Variants in IPO11 observed in about 807,000 individuals in gnomAD.
IPO11 encodes importin 11, also known as importin-11.
IPO11 carries 66 observed loss-of-function variants against 143.2 expected under a neutral mutation model. That is an observed-to-expected ratio of 0.46 (90% CI 0.38 to 0.57). The LOEUF is 0.57. Ranked by LOEUF, IPO11 falls within the 20% of genes least tolerant of loss-of-function variation. IPO11 has a pLI of 0.00. For synonymous variants in IPO11, 385 were observed against 377.8 expected (o/e 1.02, Z -0.22); for missense variants, 1,026 against 1,141.0 (o/e 0.90, Z 1.45).
At chr5:62,431,965 A>G (rs1000788120) in intron 1 of IPO11, among the ~76,000 whole-genome samples, 2 of 136,998 alleles carry the variant, frequency 1.5e-5, no homozygotes, top group African/African-American at 5.1e-5. Context: ...ACATACATAC[A>G]TACATACGGC....
chr5:62,443,309 C>T, intron 3 of IPO11: 1 of 414,908 alleles, frequency 2.4e-6, no homozygotes, highest in Non-Finnish European at 4.2e-6. Flanking sequence ...GTGTTTACTA[C>T]TGAATAAGTG....
intron 2 of IPO11, among the ~76,000 whole-genome samples, chr5:62,440,744 C>T (rs1442521265): frequency 1.3e-5 from 2 of 152,004 alleles, no homozygotes; most frequent in Non-Finnish European, 2.9e-5. Flanking sequence ...AGGTGGATCA[C>T]CTGAGGTCAG....
intron 19 of IPO11, among the ~76,000 whole-genome samples, chr5:62,507,971 T>TA (rs1184003213): frequency 2.0e-4 from 30 of 152,140 alleles, no homozygotes; most frequent in African/African-American, 7.0e-4. Flanking sequence ...AGGAAATGGT[T>TA]AAAAAAATAT....
At chr5:62,498,103 G>A (rs1741221805) in intron 16 of IPO11, among the ~76,000 whole-genome samples, 1 of 151,552 alleles carries the variant, frequency 6.6e-6, no homozygotes, top group Non-Finnish European at 1.5e-5. Context: ...CATTCTTATA[G>A]CTTTCAATAC....
intron 1 of IPO11, among the ~76,000 whole-genome samples, chr5:62,417,321 A>ATTTTTTTTT (rs34767317): frequency 6.1e-4 from 40 of 65,354 alleles, no homozygotes; most frequent in African/African-American, 7.6e-4. Flanking sequence ...TTATTGGTTA[A>ATTTTTTTTT]TTTTTTTTTT....
intron 29 of IPO11, among the ~76,000 whole-genome samples, chr5:62,604,221 T>C (rs1429563691): frequency 6.6e-6 from 1 of 152,210 alleles, no homozygotes; most frequent in Non-Finnish European, 1.5e-5. Flanking sequence ...TGTTTTGTTT[T>C]GTTTTGCAAT....
intron 5 of IPO11, among the ~76,000 whole-genome samples, chr5:62,458,227 T>G (rs1169909675): frequency 6.6e-6 from 1 of 152,162 alleles, no homozygotes; most frequent in East Asian, 1.9e-4. Flanking sequence ...TCACTTTTGT[T>G]TTGTTGATTT....
At chr5:62,424,308 T>A (rs1423104878) in intron 1 of IPO11, among the ~76,000 whole-genome samples, 2 of 150,116 alleles carry the variant, frequency 1.3e-5, no homozygotes, top group Non-Finnish European at 3.0e-5. Context: ...CCCGGCTAAT[T>A]TTTTGTATTT....
intron 2 of IPO11, among the ~76,000 whole-genome samples, chr5:62,442,645 G>A (rs1215995466): frequency 6.6e-6 from 1 of 152,106 alleles, no homozygotes; most frequent in Non-Finnish European, 1.5e-5. Context: ...GATCACCTGA[G>A]GTCAAGAGGT....
chr5:62,559,117 A>G (rs1397178822), intron 26 of IPO11, among the ~76,000 whole-genome samples: 2 of 152,132 alleles, frequency 1.3e-5, no homozygotes, highest in Non-Finnish European at 2.9e-5. Flanking sequence ...TTGATAGTGA[A>G]GGCTGCTGGC....
intron 1 of IPO11, among the ~76,000 whole-genome samples, chr5:62,431,934 CACATACATACATACATACAT>C (rs57913836): frequency 6.7e-6 from 1 of 148,576 alleles, no homozygotes. Flanking sequence ...GAGCAAGACT[CACATACATACATACATACAT>C]ACATACATAC....
At chr5:62,499,465 C>A (rs1044066570) in intron 16 of IPO11, among the ~76,000 whole-genome samples, 1 of 151,960 alleles carries the variant, frequency 6.6e-6, no homozygotes, top group Non-Finnish European at 1.5e-5. Flanking sequence ...TAGAAAATCA[C>A]TGTATACCAC....
chr5:62,427,276 T>A (rs1194592678), intron 1 of IPO11, among the ~76,000 whole-genome samples: 1 of 152,070 alleles, frequency 6.6e-6, no homozygotes, highest in African/African-American at 2.4e-5. Flanking sequence ...GCAGGTTTTT[T>A]GAAAACTCCA....
At chr5:62,590,343 T>G (rs1019890086) in intron 27 of IPO11, among the ~76,000 whole-genome samples, 2 of 152,244 alleles carry the variant, frequency 1.3e-5, no homozygotes, top group Non-Finnish European at 2.9e-5. Context: ...TACTTAACCC[T>G]GTTGGATGAT....
chr5:62,426,931 G>GTTTTTTCTTTT (rs1743764956), intron 1 of IPO11, among the ~76,000 whole-genome samples: 1 of 90,244 alleles, frequency 1.1e-5, no homozygotes, highest in African/African-American at 4.3e-5. Flanking sequence ...TTTTCTTTCT[G>GTTTTTTCTTTT]TTTTTTTTTT....
At chr5:62,436,484 C>G (rs144240226) in intron 1 of IPO11, among the ~76,000 whole-genome samples, 1 of 152,084 alleles carries the variant, frequency 6.6e-6, no homozygotes, top group African/African-American at 2.4e-5. Context: ...ATATTTTGTA[C>G]GTGTATATTG....
intron 16 of IPO11, among the ~76,000 whole-genome samples, chr5:62,501,418 AGAAAG>A (rs1321335692): frequency 6.6e-6 from 1 of 152,242 alleles, no homozygotes; most frequent in Non-Finnish European, 1.5e-5. Flanking sequence ...AAAACCAAGA[AGAAAG>A]GAAACCTTAG....
intron 27 of IPO11, among the ~76,000 whole-genome samples, chr5:62,586,790 T>A (rs1744808592): frequency 7.2e-6 from 1 of 139,778 alleles, no homozygotes; most frequent in African/African-American, 2.6e-5. Flanking sequence ...TATATATATA[T>A]ATATATATAT....
chr5:62,434,429 A>T (rs1426504068), intron 1 of IPO11, among the ~76,000 whole-genome samples: 1 of 151,910 alleles, frequency 6.6e-6, no homozygotes, highest in African/African-American at 2.4e-5. Flanking sequence ...TAGCCTCCTT[A>T]GTAGCTGGGA....
Sources: gnomAD v4.1 joint callset for allele counts (sites outside exome capture counted in the v4.1 genomes callset) on GRCh38, gnomAD v4.1.1 for gene constraint, MANE v1.5 for transcripts, NCBI Gene and HGNC (gene_info 2026-07-23, HGNC 2026-07-21) for gene names.